The following RAB28 variants were observed in gnomAD, a reference collection of about 807,000 sequenced individuals.
The protein encoded by RAB28 is RAB28, member RAS oncogene family.
RAB28 carries 24 observed loss-of-function variants against 31.7 expected under a neutral mutation model. That is an observed-to-expected ratio of 0.76 (90% CI 0.55 to 1.06). The LOEUF is 1.06. Among genes scored for constraint, RAB28 ranks in the 50% least tolerant of loss-of-function variants. RAB28 has a pLI of 0.00. For synonymous variants in RAB28, 100 were observed against 90.4 expected, an observed-to-expected ratio of 1.11 and a Z score of -0.60; for missense variants, 254 against 258.5, an observed-to-expected ratio of 0.98 and a Z score of 0.12.
chr4:13,379,666 G>C (rs1433905518), intron 5 of RAB28, among the ~76,000 whole-genome samples: 2 of 152,276 alleles, frequency 1.3e-5, no homozygotes, highest in East Asian at 3.9e-4. Context: ...TAGTGATTAG[G>C]ATGCCTGATA....
intron 3 of RAB28, among the ~76,000 whole-genome samples, chr4:13,462,378 A>G (rs1417696405): frequency 6.6e-6 from 1 of 152,206 alleles, no homozygotes; most frequent in African/African-American, 2.4e-5. Flanking sequence ...GAGAACACAG[A>G]TAACAGAAAT....
At chr4:13,456,106 C>A (rs1435205698) in intron 4 of RAB28, among the ~76,000 whole-genome samples, 3 of 152,158 alleles carry the variant, frequency 2.0e-5, no homozygotes, top group African/African-American at 7.2e-5. Flanking sequence ...TTTGTCTCAA[C>A]CTTTCAGCAA....
intron 5 of RAB28, among the ~76,000 whole-genome samples, chr4:13,377,205 T>C (rs1417160037): frequency 2.6e-5 from 4 of 152,130 alleles, no homozygotes; most frequent in Non-Finnish European, 5.9e-5. Flanking sequence ...TAAACAAAAA[T>C]AGACAAATAT....
chr4:13,459,633 A>T (rs1407982343), intron 4 of RAB28: 1 of 473,766 alleles, frequency 2.1e-6, no homozygotes, highest in African/African-American at 2.1e-5. Context: ...TTACTAACAA[A>T]CCCATAATTT....
intron 4 of RAB28, among the ~76,000 whole-genome samples, chr4:13,415,577 GCCGGCCCAC>G (rs1712719896): frequency 6.6e-6 from 1 of 152,130 alleles, no homozygotes; most frequent in African/African-American, 2.4e-5. Flanking sequence ...CCCCAGCAGT[GCCGGCCCAC>G]TGGCACTGCG....
At chr4:13,403,232 A>G (rs1226860668) in intron 4 of RAB28, among the ~76,000 whole-genome samples, 1 of 152,210 alleles carries the variant, frequency 6.6e-6, no homozygotes, top group East Asian at 1.9e-4. Context: ...TGATATTCAT[A>G]TAATTTTCAG....
intron 6 of RAB28, chr4:13,371,795 C>CT: frequency 6.5e-7 from 1 of 1,546,902 alleles, no homozygotes; most frequent in South Asian, 1.2e-5. Context: ...AAATACCAAC[C>CT]TTTATTTTTA....
At chr4:13,443,684 G>T (rs1714536306) in intron 4 of RAB28, among the ~76,000 whole-genome samples, 1 of 151,980 alleles carries the variant, frequency 6.6e-6, no homozygotes, top group South Asian at 2.1e-4. Flanking sequence ...GTCATTTTTT[G>T]TGGTGAGAAC....
At chr4:13,385,254 T>C (rs1412430135) in intron 4 of RAB28, among the ~76,000 whole-genome samples, 1 of 151,928 alleles carries the variant, frequency 6.6e-6, no homozygotes, top group African/African-American at 2.4e-5. Context: ...GATGGGGAGA[T>C]TGGAAGCAAA....
intron 3 of RAB28, among the ~76,000 whole-genome samples, chr4:13,472,806 C>CT (rs1431144531): frequency 1.3e-5 from 2 of 148,610 alleles, no homozygotes; most frequent in Non-Finnish European, 3.0e-5. Flanking sequence ...TTAGTATCCA[C>CT]TTTAATCAGT....
At chr4:13,381,695 C>A in intron 4 of RAB28, 101 bp from the exon 5 acceptor site, 1 of 789,550 alleles carries the variant, frequency 1.3e-6, no homozygotes, top group Non-Finnish European at 2.0e-6. Flanking sequence ...TATATTCCAG[C>A]TTCGACATCA....
intron 4 of RAB28, among the ~76,000 whole-genome samples, chr4:13,402,683 A>T (rs573795714): frequency 3.3e-4 from 50 of 152,128 alleles, no homozygotes; most frequent in African/African-American, 1.2e-3. Context: ...ATCCAATATG[A>T]TTATTTCTAT....
intron 3 of RAB28, among the ~76,000 whole-genome samples, chr4:13,471,794 CT>C (rs199745427): frequency 0.021 from 3,190 of 152,114 alleles, 63 homozygotes; most frequent in Non-Finnish European, 0.032. Flanking sequence ...ACAGTACATC[CT>C]TATAAGAGTC....
chr4:13,428,598 T>C (rs965098881), intron 4 of RAB28, among the ~76,000 whole-genome samples: 3 of 152,146 alleles, frequency 2.0e-5, no homozygotes, highest in Non-Finnish European at 2.9e-5. Flanking sequence ...GATTTGAAGA[T>C]AGATCGGTTG....
chr4:13,382,445 G>A (rs1292293330), intron 4 of RAB28, among the ~76,000 whole-genome samples: 2 of 151,770 alleles, frequency 1.3e-5, no homozygotes, highest in East Asian at 3.9e-4. Flanking sequence ...AACTTAAACT[G>A]ATTTCCTGAG....
At chr4:13,408,762 T>C (rs1349651738) in intron 4 of RAB28, among the ~76,000 whole-genome samples, 1 of 152,148 alleles carries the variant, frequency 6.6e-6, no homozygotes, top group African/African-American at 2.4e-5. Context: ...ATTTTATAAA[T>C]TGACTATATA....
intron 4 of RAB28, among the ~76,000 whole-genome samples, chr4:13,449,697 G>A (rs975615606): frequency 4.0e-5 from 6 of 151,824 alleles, no homozygotes; most frequent in African/African-American, 1.4e-4. Context: ...TGAGTTATTA[G>A]TCTTTATTTG....
chr4:13,384,445 T>G (rs1042780757), intron 4 of RAB28, among the ~76,000 whole-genome samples: 1 of 152,172 alleles, frequency 6.6e-6, no homozygotes, highest in African/African-American at 2.4e-5. Context: ...ACGAAACACT[T>G]TGGCTAGTAC....
At chr4:13,384,826 C>T (rs997905712) in intron 4 of RAB28, among the ~76,000 whole-genome samples, 3 of 152,142 alleles carry the variant, frequency 2.0e-5, no homozygotes, top group African/African-American at 7.2e-5. Context: ...CTCTAAATGA[C>T]GGCACTACTT....
Sources: gnomAD v4.1 joint callset for allele counts (sites outside exome capture counted in the v4.1 genomes callset) on GRCh38, gnomAD v4.1.1 for gene constraint, MANE v1.5 for transcripts, NCBI Gene and HGNC (gene_info 2026-07-23, HGNC 2026-07-21) for gene names.